Variants in CTNNA2 observed in about 807,000 individuals in gnomAD.
CTNNA2 encodes the protein catenin alpha-2.
A neutral mutation model predicts 101.0 loss-of-function variants in CTNNA2; 42 were observed. The ratio of observed to expected loss-of-function variants is 0.42; its 90% CI spans 0.32 to 0.54. The LOEUF is 0.54. CTNNA2 is among the 20% of genes least tolerant of loss of function. CTNNA2 has a pLI of 0.14. For missense variants in CTNNA2, 871 were observed against 1,223.1 expected (o/e 0.71, Z 4.29); for synonymous variants, 450 against 456.4 (o/e 0.99, Z 0.18).
At chr2:80,625,629 T>C (rs1414451248) in intron 18 of CTNNA2, among the ~76,000 whole-genome samples, 3 of 152,144 alleles carry the variant, frequency 2.0e-5, no homozygotes, top group South Asian at 2.1e-4. Context: ...CTCATTTTTT[T>C]CCCTGGTTCC....
intron 2 of CTNNA2, among the ~76,000 whole-genome samples, chr2:79,259,365 A>T (rs1674891092): frequency 6.6e-6 from 1 of 152,190 alleles, no homozygotes; most frequent in African/African-American, 2.4e-5. Context: ...AAAGCTTAAG[A>T]ATTACAGAAA....
In CTNNA2 at chr2:80,507,179, A is replaced by T. The variant is rs567842008; in HGVS notation, c.1291-37803A>T. Among the ~76,000 whole-genome samples the T allele has an allele frequency of 2.0e-5, 3 of 152,306 alleles. No individual in the cohort carries two copies. In the South Asian group the frequency reaches 6.2e-4, roughly 32 times the overall value. ...ATCTGTAAATGTAGATAACAATAGTATGTACCTCATAGGGTTGCAGTACGA... is the reference window on the plus strand; with the variant it reads ...ATCTGTAAATGTAGATAACAATAGTTTGTACCTCATAGGGTTGCAGTACGA... On this transcript the variant is annotated intron_variant, in intron 9 of 18. Transcript: ENST00000402739.
chr2:79,775,061 T>C (rs1324252150), intron 3 of CTNNA2, among the ~76,000 whole-genome samples: 1 of 152,192 alleles, frequency 6.6e-6, no homozygotes, highest in Non-Finnish European at 1.5e-5. Context: ...AAGGGGGCGA[T>C]ATTCATAAGA....
chr2:80,529,791 G>A (rs1426795803), intron 9 of CTNNA2, among the ~76,000 whole-genome samples: 3 of 152,172 alleles, frequency 2.0e-5, no homozygotes, highest in African/African-American at 7.2e-5. Context: ...TCACGTAGCA[G>A]ATTGAAAGGT....
intron 7 of CTNNA2, among the ~76,000 whole-genome samples, chr2:80,136,321 C>G (rs1702693503): frequency 1.3e-5 from 2 of 152,168 alleles, no homozygotes; most frequent in Admixed American, 6.5e-5. Flanking sequence ...TCAGCCTTAG[C>G]ATCTGATTTG....
intron 3 of CTNNA2, among the ~76,000 whole-genome samples, chr2:79,829,230 C>G (rs1289803237): frequency 6.6e-6 from 1 of 152,024 alleles, no homozygotes; most frequent in Non-Finnish European, 1.5e-5. Context: ...TAAAAACCTT[C>G]CCCTAGGCCA....
intron 1 of CTNNA2, among the ~76,000 whole-genome samples, chr2:79,600,553 A>G (rs145294163): frequency 2.0e-5 from 3 of 152,306 alleles, no homozygotes; most frequent in African/African-American, 7.2e-5. Flanking sequence ...GCTTCACTGT[A>G]TGGAATTATA....
intron 7 of CTNNA2, among the ~76,000 whole-genome samples, chr2:80,326,488 C>T (rs1679252535): frequency 1.3e-5 from 2 of 152,124 alleles, no homozygotes; most frequent in African/African-American, 4.8e-5. Context: ...CCTTGCCTCT[C>T]CCTGAGAAGT....
At chr2:80,176,778 C>T (rs1039990325) in intron 7 of CTNNA2, among the ~76,000 whole-genome samples, 1 of 152,340 alleles carries the variant, frequency 6.6e-6, no homozygotes, top group East Asian at 1.9e-4. Flanking sequence ...GGGTCAATCA[C>T]CCCAGCCAAC....
At chr2:79,749,707 CT>C in intron 3 of CTNNA2, among the ~76,000 whole-genome samples, 1 of 152,292 alleles carries the variant, frequency 6.6e-6, no homozygotes, top group East Asian at 1.9e-4. Context: ...TTACAAATAA[CT>C]AGCTGAAAAG....
chr2:80,156,984 C>T (rs897505598), intron 7 of CTNNA2, among the ~76,000 whole-genome samples: 1 of 152,192 alleles, frequency 6.6e-6, no homozygotes, highest in Non-Finnish European at 1.5e-5. Context: ...ACTTCTTGCT[C>T]TACCCCTCTC....
chr2:79,982,561 G>C (rs1396969876), intron 7 of CTNNA2, among the ~76,000 whole-genome samples: 1 of 131,312 alleles, frequency 7.6e-6, no homozygotes, highest in Non-Finnish European at 1.6e-5. Flanking sequence ...ATGTTGCCCA[G>C]TCTTCATGGT....
intron 3 of CTNNA2, among the ~76,000 whole-genome samples, chr2:79,821,543 C>G (rs1325616549): frequency 6.6e-6 from 1 of 152,064 alleles, no homozygotes; most frequent in Non-Finnish European, 1.5e-5. Context: ...CTACCAAAAA[C>G]TGAGAAGAAA....
chr2:79,678,418 C>A (rs2104624540), intron 2 of CTNNA2, among the ~76,000 whole-genome samples: 1 of 152,022 alleles, frequency 6.6e-6, no homozygotes, highest in East Asian at 1.9e-4. Context: ...TGATGTAGTT[C>A]CAGATACTCG....
chr2:79,784,667 C>T (rs1674702725), intron 3 of CTNNA2, among the ~76,000 whole-genome samples: 1 of 151,832 alleles, frequency 6.6e-6, no homozygotes, highest in Non-Finnish European at 1.5e-5. Flanking sequence ...CTTCTATCTT[C>T]AAACTCTTGG....
chr2:80,640,347 G>T (rs1006255906), intron 18 of CTNNA2, among the ~76,000 whole-genome samples: 2 of 152,154 alleles, frequency 1.3e-5, no homozygotes, highest in Non-Finnish European at 2.9e-5. Flanking sequence ...AATAATGCCT[G>T]CCATGGACAC....
intron 12 of CTNNA2, among the ~76,000 whole-genome samples, chr2:80,556,583 G>A (rs2149661731): frequency 6.6e-6 from 1 of 151,568 alleles, no homozygotes; most frequent in East Asian, 1.9e-4. Context: ...GATGCATTGG[G>A]GTAAAAAAAA....
intron 7 of CTNNA2, among the ~76,000 whole-genome samples, chr2:80,078,469 G>A (rs1052482052): frequency 6.6e-6 from 1 of 152,194 alleles, no homozygotes; most frequent in African/African-American, 2.4e-5. Flanking sequence ...GAGCAGAAAA[G>A]TGGACATGGG....
intron 3 of CTNNA2, among the ~76,000 whole-genome samples, chr2:79,752,756 G>GC (rs1312456241): frequency 1.3e-5 from 2 of 152,172 alleles, no homozygotes; most frequent in African/African-American, 4.8e-5. Context: ...ATGGAGAGGA[G>GC]CAATGGGGAG....
Sources: allele counts gnomAD v4.1 joint callset (sites outside exome capture counted in the v4.1 genomes callset), GRCh38; gene constraint gnomAD v4.1.1; transcripts MANE v1.5; gene names NCBI Gene and HGNC (gene_info 2026-07-23, HGNC 2026-07-21).